The following SOD2 variants were observed in gnomAD, a reference collection of about 807,000 sequenced individuals.
The protein encoded by SOD2 is superoxide dismutase [Mn], mitochondrial.
Under a neutral mutation model 27.0 loss-of-function variants are expected in SOD2, and 11 were observed. The ratio of observed to expected loss-of-function variants is 0.41; its 90% CI spans 0.26 to 0.67. The LOEUF is 0.67. Among genes scored for constraint, SOD2 ranks in the 30% least tolerant of loss-of-function variants. The pLI is 0.34. For missense variants in SOD2, 250 were observed against 274.5 expected, an observed-to-expected ratio of 0.91 and a Z score of 0.63; for synonymous variants, 105 against 103.0, an observed-to-expected ratio of 1.02 and a Z score of -0.12.
At chr6:159,739,407 C>T (rs1779108479) in intron 1 of SOD2, among the ~76,000 whole-genome samples, 1 of 152,146 alleles carries the variant, frequency 6.6e-6, no homozygotes, top group African/African-American at 2.4e-5. Context: ...GTGTGACCTT[C>T]ACCAGCTCAT....
At chr6:159,762,086 A>G in exon 1 of SOD2, 1 of 1,613,008 alleles carries the variant, frequency 6.2e-7, no homozygotes, top group Non-Finnish European at 8.5e-7. Context: ...AGGAGAAGCA[A>G]GATGAATGCA....
rs1213706539 is a variant in SOD2, at chr6:159,688,181, G to T, written c.288C>A (p.Ile96=). Residue 96 remains isoleucine, a synonymous_variant, in exon 3 of 5, where the codon ATC becomes ATA. Transcript: ENST00000538183. ...PALKFNGGGH[I]NHSIFWTNLS... is the part of the protein sequence containing the mutation. ...GGTTTGTCCAGAAAATGCTATGATT[G>T]ATATGACCACCACCATTGAACTTCA... 5.6e-6 allele frequency: 9 copies of T among 1,613,778 alleles called. No individual in the cohort carries two copies. The highest frequency in any genetic ancestry group is 6.8e-6 in the Non-Finnish European group (8 of 1,179,802).
At chr6:159,745,166 TAGA>T (rs1408217362) in exon 1 of SOD2, 1 of 152,218 alleles carries the variant, frequency 6.6e-6, no homozygotes, top group East Asian at 1.9e-4. Context: ...AGAGTGTGAA[TAGA>T]AGGTGTTGAT....
intron 1 of SOD2, among the ~76,000 whole-genome samples, chr6:159,758,166 T>G (rs1252725866): frequency 1.3e-5 from 2 of 152,176 alleles, no homozygotes; most frequent in Admixed American, 6.5e-5. Context: ...CTTAACTGAT[T>G]TGGGCAAATG....
intron 4 of SOD2, among the ~76,000 whole-genome samples, chr6:159,683,281 C>T (rs1205747622): frequency 6.6e-6 from 1 of 152,100 alleles, no homozygotes. Flanking sequence ...GTCAGGCGTT[C>T]GAGACCAGCC....
intron 1 of SOD2, among the ~76,000 whole-genome samples, chr6:159,757,009 A>G (rs957939299): frequency 6.6e-6 from 1 of 152,184 alleles, no homozygotes; most frequent in Admixed American, 6.5e-5. Context: ...GGCCAGCACT[A>G]CTGATTTTTA....
intron 1 of SOD2, among the ~76,000 whole-genome samples, chr6:159,737,794 A>C (rs572781595): frequency 4.6e-5 from 7 of 152,164 alleles, no homozygotes; most frequent in Non-Finnish European, 1.0e-4. Context: ...CCAAAGCCTT[A>C]ATTTTATACT....
intron 2 of SOD2, 121 bp from the exon 3 acceptor site, chr6:159,688,363 T>A: frequency 1.5e-6 from 1 of 662,346 alleles, no homozygotes; most frequent in Non-Finnish European, 2.7e-6. Flanking sequence ...ATAACATCCG[T>A]TTGTCCTAAA....
chr6:159,756,072 A>T (rs1780003497), intron 1 of SOD2: 1 of 154,152 alleles, frequency 6.5e-6, no homozygotes, highest in Admixed American at 6.5e-5. Flanking sequence ...TGCCCAGTAC[A>T]GTAGTTTTTT....
intron 1 of SOD2, among the ~76,000 whole-genome samples, chr6:159,756,594 C>CTT (rs3066261): frequency 0.025 from 2,334 of 94,330 alleles, 97 homozygotes; most frequent in African/African-American, 0.065. Flanking sequence ...ATTTCTTAGG[C>CTT]TTTTTTTTTT....
intron 1 of SOD2, among the ~76,000 whole-genome samples, chr6:159,739,681 A>C (rs1460807210): frequency 6.6e-6 from 1 of 152,234 alleles, no homozygotes; most frequent in African/African-American, 2.4e-5. Flanking sequence ...TAAAAATAAA[A>C]TAAGTATTTT....
upstream of SOD2, chr6:159,748,860 C>G (rs1779715493): frequency 8.3e-7 from 1 of 1,211,768 alleles, no homozygotes; most frequent in South Asian, 4.3e-5. The surrounding 1 kb of genome is among the most constrained non-coding windows in gnomAD (Gnocchi z 5.6). Context: ...CTTAGAGACA[C>G]TGTGTATCAG....
chr6:159,724,075 CT>C (rs903877365), intron 1 of SOD2, among the ~76,000 whole-genome samples: 7 of 151,736 alleles, frequency 4.6e-5, no homozygotes, highest in Non-Finnish European at 1.0e-4. Flanking sequence ...ATACTACAGA[CT>C]TTTTTTTTCT....
chr6:159,684,926 C>T lies in SOD2; in HGVS notation c.451G>A (p.Gly151Ser). Residue 151 changes from glycine (G) to serine (S), a missense_variant, in exon 4 of 5, where the codon GGT becomes AGT. Coordinates refer to ENST00000538183, the MANE Select transcript of SOD2 (RefSeq NM_000636.4). ...AAGTGTCCCCGTTCCTTATTGAAAC[C>T]AAGCCAACCCCAACCTGAGCCTTGG... ...GVQGSGWGWL[G>S]FNKERGHLQI... 1 of 1,613,656 alleles carries T rather than the reference C, an allele frequency of 6.2e-7. No homozygotes were observed. The highest frequency in any genetic ancestry group is 8.5e-7 in the Non-Finnish European group (1 of 1,179,792).
chr6:159,722,822 AG>A (rs969825704), intron 1 of SOD2, among the ~76,000 whole-genome samples: 1 of 152,232 alleles, frequency 6.6e-6, no homozygotes, highest in African/African-American at 2.4e-5. Flanking sequence ...ACTTGTAGGA[AG>A]TCAGACTGCT....
chr6:159,693,593 C>G (rs369954371), upstream of SOD2, among the ~76,000 whole-genome samples: 2 of 152,182 alleles, frequency 1.3e-5, no homozygotes, highest in South Asian at 2.1e-4. Context: ...CTGAGGGTGC[C>G]GGCGGGGATC....
At chr6:159,712,525 A>AGCTGCTCTGAT (rs1777835478) in intron 1 of SOD2, among the ~76,000 whole-genome samples, 1 of 107,486 alleles carries the variant, frequency 9.3e-6, no homozygotes, top group African/African-American at 3.5e-5. Context: ...ACCACCACTC[A>AGCTGCTCTGAT]CACTGCTCTG....
chr6:159,733,177 AAAG>A (rs71033555), intron 1 of SOD2, among the ~76,000 whole-genome samples: 70,567 of 151,794 alleles, frequency 0.46, 18,408 homozygotes, highest in Non-Finnish European at 0.58. Flanking sequence ...TTAAAGAAAA[AAAG>A]AATAATATAC....
chr6:159,713,635 C>A, intron 1 of SOD2: 1 of 1,036,712 alleles, frequency 9.6e-7, no homozygotes, highest in Non-Finnish European at 1.5e-6. Context: ...CTTGGACAGC[C>A]AAATGGAAGT....
Sources: gnomAD v4.1 joint callset for allele counts (sites outside exome capture counted in the v4.1 genomes callset) on GRCh38, gnomAD v4.1.1 for gene constraint, Gnocchi (gnomAD v3.1) non-coding constraint, MANE v1.5 for transcripts, NCBI Gene and HGNC (gene_info 2026-07-23, HGNC 2026-07-21) for gene names.